The following GSE1 variants were observed in gnomAD, a reference collection of about 807,000 sequenced individuals.
The protein encoded by GSE1 is Gse1 coiled-coil protein, also known as genetic suppressor element 1.
A neutral mutation model predicts 112.6 loss-of-function variants in GSE1; 32 were observed. That is an observed-to-expected ratio of 0.28 (90% CI 0.21 to 0.38). GSE1 has a LOEUF of 0.38. Among genes scored for constraint, GSE1 ranks in the 10% least tolerant of loss-of-function variants. The pLI, the probability that GSE1 is intolerant of heterozygous loss-of-function variation, is 1.00. For synonymous variants in GSE1, 1,115 were observed against 735.6 expected (o/e 1.52, Z -8.35); for missense variants, 2,348 against 1,699.2 (o/e 1.38, Z -6.71).
At chr16:85,644,637 T>C (rs758785538) in intron 2 of GSE1, among the ~76,000 whole-genome samples, 1 of 152,090 alleles carries the variant, frequency 6.6e-6, no homozygotes, top group Non-Finnish European at 1.5e-5. Flanking sequence ...GGAGAGCCAA[T>C]GCGTGCGGGG....
intron 2 of GSE1, among the ~76,000 whole-genome samples, chr16:85,432,925 G>T (rs1437333936): frequency 6.6e-6 from 1 of 152,118 alleles, no homozygotes; most frequent in African/African-American, 2.4e-5. Flanking sequence ...GGACTTACTG[G>T]GGTGGCAGAT....
At chr16:85,664,257 T>C (rs912316634) in intron 11 of GSE1, among the ~76,000 whole-genome samples, 5 of 152,342 alleles carry the variant, frequency 3.3e-5, no homozygotes, top group South Asian at 2.1e-4. Context: ...CCCTGCCCCT[T>C]ACGCACGCTT....
chr16:85,186,579 G>A (rs1003420490), intron 1 of GSE1, among the ~76,000 whole-genome samples: 1 of 151,552 alleles, frequency 6.6e-6, no homozygotes, highest in Non-Finnish European at 1.5e-5. Flanking sequence ...CTCCAGCCTG[G>A]GCGACAGAGT....
At chr16:85,353,633 A>C (rs930661390) in intron 1 of GSE1, among the ~76,000 whole-genome samples, 1 of 152,206 alleles carries the variant, frequency 6.6e-6, no homozygotes. Context: ...CAGGAATTCA[A>C]GGCCAGCCTC....
At chr16:85,636,738 CCGGCGGTCCCT>C (rs1176905204) in intron 2 of GSE1, among the ~76,000 whole-genome samples, 1 of 152,186 alleles carries the variant, frequency 6.6e-6, no homozygotes, top group Non-Finnish European at 1.5e-5. Context: ...GCTGGTGGTC[CCGGCGGTCCCT>C]GCTGGAAAGG....
At chr16:85,646,495 T>TA (rs2050881705) in intron 2 of GSE1, among the ~76,000 whole-genome samples, 1 of 152,224 alleles carries the variant, frequency 6.6e-6, no homozygotes, top group Admixed American at 6.5e-5. Context: ...ACTGCTGTGA[T>TA]ATCATAGAAT....
At chr16:85,642,155 T>C (rs1410907674) in intron 2 of GSE1, among the ~76,000 whole-genome samples, 1 of 152,192 alleles carries the variant, frequency 6.6e-6, no homozygotes, top group African/African-American at 2.4e-5. Context: ...CTTTTCAAGG[T>C]TGAGCTGGGA....
At chr16:85,442,314 T>G (rs553469234) in intron 2 of GSE1, among the ~76,000 whole-genome samples, 2 of 152,282 alleles carry the variant, frequency 1.3e-5, no homozygotes, top group African/African-American at 4.8e-5. Flanking sequence ...TGCGTGCTTG[T>G]TTACCGTCCT....
At chr16:85,563,394 C>T (rs1042485872) in intron 1 of GSE1, among the ~76,000 whole-genome samples, 3 of 152,136 alleles carry the variant, frequency 2.0e-5, no homozygotes, top group African/African-American at 4.8e-5. Context: ...TGTATTTTTC[C>T]GGCTTTTTCC....
intron 2 of GSE1, among the ~76,000 whole-genome samples, chr16:85,499,034 G>T (rs1297803742): frequency 1.3e-5 from 2 of 152,232 alleles, no homozygotes; most frequent in Non-Finnish European, 2.9e-5. Flanking sequence ...TTGGTGGAAG[G>T]CAGGGCTTTT....
At chr16:85,671,364 C>T (rs939197045) in intron 15 of GSE1, among the ~76,000 whole-genome samples, 12 of 140,560 alleles carry the variant, frequency 8.5e-5, no homozygotes, top group African/African-American at 2.7e-4. Context: ...GGCGTGAACC[C>T]GGGAGGCGGA....
At chr16:85,304,054 C>G (rs1252856706) in intron 1 of GSE1, among the ~76,000 whole-genome samples, 1 of 152,194 alleles carries the variant, frequency 6.6e-6, no homozygotes, top group African/African-American at 2.4e-5. Flanking sequence ...CAGAAAAAGC[C>G]GCAGGACAGA....
chr16:85,186,888 C>G (rs1016103172), intron 1 of GSE1, among the ~76,000 whole-genome samples: 2 of 152,230 alleles, frequency 1.3e-5, no homozygotes, highest in Non-Finnish European at 2.9e-5. Flanking sequence ...GTATCGATTA[C>G]AAGACATTAT....
intron 1 of GSE1, among the ~76,000 whole-genome samples, chr16:85,173,552 T>C (rs190078348): frequency 7.7e-4 from 117 of 152,318 alleles, no homozygotes; most frequent in African/African-American, 2.8e-3. Context: ...GTGTGCGAGG[T>C]GCTGGCTTGC....
At chr16:85,592,639 G>T (rs1036471877) in intron 1 of GSE1, 1 of 152,222 alleles carries the variant, frequency 6.6e-6, no homozygotes, top group Non-Finnish European at 1.5e-5. Context: ...TCAAGGATGG[G>T]GGCCTTGGTT....
chr16:85,674,422 A>C lies in GSE1; in HGVS notation c.*1883A>C, dbSNP rs1302365603. The stretch of plus-strand genomic sequence containing the variant: ...AAGAGAACTCGAGGGGCTGTGCTGC[A>C]GGCCTCCCCTCGAAAGACACTGGGA... On this transcript the variant is annotated 3_prime_UTR_variant, in exon 16 of 16. Transcript: ENST00000253458. The C allele has an allele frequency of 6.6e-6, 1 of 151,192 alleles. No homozygotes were observed. 9.4% of individuals were successfully genotyped at this position (151,192 alleles called of 1,614,324 possible). A position where few individuals can be genotyped will look rare whatever the true frequency, so the allele number is the denominator to read the frequency against.
At chr16:85,569,427 G>T (rs1326384990) in intron 1 of GSE1, among the ~76,000 whole-genome samples, 1 of 152,252 alleles carries the variant, frequency 6.6e-6, no homozygotes, top group Non-Finnish European at 1.5e-5. Context: ...TGAGACTGTG[G>T]GCAAGTTACT....
At chr16:85,204,745 C>T (rs2075086104) in intron 1 of GSE1, among the ~76,000 whole-genome samples, 1 of 152,372 alleles carries the variant, frequency 6.6e-6, no homozygotes, top group African/African-American at 2.4e-5. Flanking sequence ...GTTTCCCCAG[C>T]AGCAAGCTGA....
At chr16:85,545,772 G>T (rs7194962) in intron 2 of GSE1, among the ~76,000 whole-genome samples, 7,373 of 147,872 alleles carry the variant, frequency 0.05, 197 homozygotes, top group Middle Eastern at 0.12. Context: ...TGTTTTTTTG[G>T]TTTGTTTGTT....
Sources: allele counts gnomAD v4.1 joint callset (sites outside exome capture counted in the v4.1 genomes callset), GRCh38; gene constraint gnomAD v4.1.1; transcripts MANE v1.5; gene names NCBI Gene and HGNC (gene_info 2026-07-23, HGNC 2026-07-21).